Variants in RBM20 observed in about 807,000 individuals in gnomAD.
RBM20 encodes RNA binding motif protein 20.
A neutral mutation model predicts 110.1 loss-of-function variants in RBM20; 51 were observed. That is an observed-to-expected ratio of 0.46 (90% CI 0.37 to 0.59). The LOEUF is 0.59. RBM20 is among the 20% of genes least tolerant of loss of function. The pLI, the probability that RBM20 is intolerant of heterozygous loss-of-function variation, is 0.00. For synonymous variants in RBM20, 589 were observed against 618.2 expected (o/e 0.95, Z 0.70); for missense variants, 1,512 against 1,574.9 (o/e 0.96, Z 0.68).
chr10:110,671,687 G>T, intron 1 of RBM20, among the ~76,000 whole-genome samples: 1 of 151,738 alleles, frequency 6.6e-6, no homozygotes, highest in Non-Finnish European at 1.5e-5. Context: ...TCCAGCTCAA[G>T]ATTTTTTTTA....
chr10:110,781,079 C>A lies in RBM20; in HGVS notation c.470C>A (p.Ala157Glu). 6.4e-7 allele frequency: 1 copy of A among 1,551,964 alleles called. No homozygotes were observed. The highest frequency in any genetic ancestry group is 8.7e-7 in the Non-Finnish European group (1 of 1,147,046). ...CATGCTGGGGTTCCCCAACATGCTG[C>A]AGCCATACCCAGTACCCGGTTTCCC... ...HGHAGVPQHA[A>E]AIPSTRFPSN... The change falls in exon 2 of 14, where the codon GCA (alanine) becomes GAA (glutamate). Residue 157 changes from alanine (A) to glutamate (E), a missense_variant. Around this residue, in one of 3 missense-constraint regions of RBM20, gnomAD observed 1,149 missense variants for 1,169.4 expected, o/e 0.98. Transcript: ENST00000369519.
chr10:110,822,466 C>G, intron 11 of RBM20: 1 of 456,958 alleles, frequency 2.2e-6, no homozygotes, highest in Non-Finnish European at 4.4e-6. Flanking sequence ...AGGATATTCT[C>G]TCACTCCATT....
chr10:110,799,945 C>G (rs753238656), intron 7 of RBM20, 27 bp downstream of exon 7: 17 of 1,549,742 alleles, frequency 1.1e-5, no homozygotes, highest in Non-Finnish European at 1.2e-5. Context: ...CTCATTCAGT[C>G]ATTCAACAAG....
intron 1 of RBM20, among the ~76,000 whole-genome samples, chr10:110,696,797 T>A (rs1235732350): frequency 6.6e-6 from 1 of 152,216 alleles, no homozygotes; most frequent in African/African-American, 2.4e-5. Context: ...CGTCCAACTC[T>A]GGGGGACCTT....
chr10:110,692,910 C>A (rs1450709168), intron 1 of RBM20, among the ~76,000 whole-genome samples: 3 of 151,982 alleles, frequency 2.0e-5, no homozygotes, highest in Non-Finnish European at 2.9e-5. Flanking sequence ...TTGTATCTAA[C>A]CTTTATCATG....
At chr10:110,674,952 T>C (rs1468049940) in intron 1 of RBM20, among the ~76,000 whole-genome samples, 2 of 152,170 alleles carry the variant, frequency 1.3e-5, no homozygotes, top group Non-Finnish European at 2.9e-5. Context: ...GCAACCAAGT[T>C]GTGGGGATAA....
chr10:110,722,429 C>CA (rs768107988), intron 1 of RBM20, among the ~76,000 whole-genome samples: 10 of 151,944 alleles, frequency 6.6e-5, no homozygotes, highest in Non-Finnish European at 1.3e-4. Context: ...TGTGATCACT[C>CA]AGAGTCCGTA....
At chr10:110,772,336 A>G (rs765008354) in intron 1 of RBM20, among the ~76,000 whole-genome samples, 19 of 152,266 alleles carry the variant, frequency 1.2e-4, no homozygotes, top group Non-Finnish European at 2.2e-4. Flanking sequence ...GAACAAGGTT[A>G]GAGAGAATGA....
Position 110,781,552 on chromosome 10 carries a change from A to C in RBM20, c.943A>C (p.Thr315Pro), listed in dbSNP as rs770333565. The C allele has an allele frequency of 5.2e-6, 8 of 1,551,626 alleles. No individual in the cohort carries two copies. Among genetic ancestry groups the C allele is most frequent in the Non-Finnish European group, 7.0e-6 (8 of 1,147,014 alleles). ...KSEVGPLLQG[T>P]NSQWESPHGF... ...TGAGGTCGGGCCACTGCTGCAGGGC[A>C]CAAACAGCCAATGGGAGAGCCCCCA... Residue 315 changes from threonine (T) to proline (P), a missense_variant, in exon 2 of 14, where the codon ACA becomes CCA. Transcript: ENST00000369519.
chr10:110,740,917 A>G (rs1843718534), intron 1 of RBM20, among the ~76,000 whole-genome samples: 1 of 152,094 alleles, frequency 6.6e-6, no homozygotes, highest in South Asian at 2.1e-4. Context: ...GTGGTGTTGG[A>G]TGCTTCTGTC....
At chr10:110,806,105 TA>T (rs1844690927) in intron 7 of RBM20, among the ~76,000 whole-genome samples, 1 of 151,880 alleles carries the variant, frequency 6.6e-6, no homozygotes, top group East Asian at 1.9e-4. Flanking sequence ...AAACCTAAAC[TA>T]AAAATACAAA....
rs1844781705 is a variant in RBM20 at position 110,812,444 on chromosome 10, A to G, written c.2047A>G (p.Arg683Gly). The change falls in exon 9 of 14, where the codon AGG becomes GGG. Residue 683 changes from arginine (R) to glycine (G), a missense_variant. Arg to Gly is a moderately radical substitution (Grantham distance 125). Around this residue, in one of 3 missense-constraint regions of RBM20, gnomAD observed 1,149 missense variants for 1,169.4 expected, o/e 0.98. Transcript: ENST00000369519. ...RDSWEHSPYA[R>G]REEERDPAPW... The stretch of plus-strand genomic sequence containing the variant: ...CTCCTGGGAGCACTCTCCCTATGCC[A>G]GGAGGGAGGAAGAGCGAGACCCGGC... 6.4e-7 allele frequency: 1 copy of G among 1,551,702 alleles called. No homozygotes were observed. Among genetic ancestry groups the G allele is most frequent in the Admixed American group, 2.0e-5 (1 of 51,004 alleles).
chr10:110,795,643 A>T (rs935651060), intron 5 of RBM20, among the ~76,000 whole-genome samples: 2 of 152,226 alleles, frequency 1.3e-5, no homozygotes, highest in African/African-American at 4.8e-5. Context: ...ATGTAATTAG[A>T]TGTAGAAGTT....
At chr10:110,789,457 A>G (rs939586547) in intron 5 of RBM20, among the ~76,000 whole-genome samples, 38 of 129,852 alleles carry the variant, frequency 2.9e-4, no homozygotes, top group African/African-American at 1.0e-3. Flanking sequence ...TTTTATTGTT[A>G]TTTATTTATT....
intron 6 of RBM20, among the ~76,000 whole-genome samples, chr10:110,798,493 C>A (rs542822025): frequency 6.6e-6 from 1 of 152,276 alleles, no homozygotes; most frequent in African/African-American, 2.4e-5. Flanking sequence ...CAGCTTGTAA[C>A]ATTGATGTGG....
rs575601838 is a variant in RBM20 at position 110,836,797 on chromosome 10, T to G, written c.*819T>G. On this transcript the variant is annotated 3_prime_UTR_variant, in exon 14 of 14. Coordinates refer to ENST00000369519, the MANE Select transcript of RBM20 (RefSeq NM_001134363.3). ...GTCAGGGTTTTTCTATTCTGGACAA[T>G]GAATTTGGTACAGAGTCACTGTAAT... The G allele has an allele frequency of 6.6e-6, 1 of 152,338 alleles. No individual in the cohort carries two copies. The highest frequency in any genetic ancestry group is 2.4e-5 in the African/African-American group (1 of 41,570). 9.4% of individuals were successfully genotyped at this position (152,338 alleles called of 1,614,324 possible).
chr10:110,686,206 A>G (rs1487684067), intron 1 of RBM20, among the ~76,000 whole-genome samples: 1 of 151,948 alleles, frequency 6.6e-6, no homozygotes, highest in Non-Finnish European at 1.5e-5. Context: ...ATCCTATGAA[A>G]CCTGTGATAG....
intron 1 of RBM20, among the ~76,000 whole-genome samples, chr10:110,662,367 A>G (rs1862116478): frequency 6.6e-6 from 1 of 152,238 alleles, no homozygotes; most frequent in Non-Finnish European, 1.5e-5. Context: ...GATTATGTGT[A>G]AAGTGCCAAA....
In RBM20 at chr10:110,781,709, G is replaced by A. The variant is rs878854247; in HGVS notation, c.1100G>A (p.Arg367Gln). ...SDRTPPSFGG[R>Q]LNNSKQGFIG... ...AGGACACCTCCTTCCTTCGGGGGTC[G>A]GCTTAACAACAGCAAACAGGGTTTT... Residue 367 changes from arginine to glutamine, a missense_variant, in exon 2 of 14, where the codon CGG (arginine) becomes CAG (glutamine). Arg to Gln is a conservative substitution (Grantham distance 43, BLOSUM62 1). Around this residue, in one of 3 missense-constraint regions of RBM20, gnomAD observed 1,149 missense variants for 1,169.4 expected, o/e 0.98. Transcript: ENST00000369519. The A allele has an allele frequency of 7.7e-6, 12 of 1,550,934 alleles. No homozygotes were observed. Among genetic ancestry groups the A allele is most frequent in the South Asian group, 4.8e-5 (4 of 84,030 alleles).
Sources: gnomAD v4.1 joint callset for allele counts (sites outside exome capture counted in the v4.1 genomes callset) on GRCh38, gnomAD v4.1.1 for gene constraint, gnomAD v4.1.1 regional missense constraint, MANE v1.5 for transcripts, NCBI Gene and HGNC (gene_info 2026-07-23, HGNC 2026-07-21) for gene names.